CCDC88A: variants seen among roughly 807,000 people sequenced by gnomAD.
The protein encoded by CCDC88A is coiled-coil and HOOK domain protein 88A.
CCDC88A carries 54 observed loss-of-function variants against 234.3 expected under a neutral mutation model. The observed-to-expected ratio is 0.23, with a 90% confidence interval of 0.19 to 0.29. The LOEUF (loss-of-function observed/expected upper bound fraction) is 0.29, where lower values mean the gene tolerates loss of function less well. CCDC88A is among the 10% of genes least tolerant of loss of function. The pLI, the probability that CCDC88A is intolerant of heterozygous loss-of-function variation, is 1.00. For missense variants in CCDC88A, 1,832 were observed against 2,123.4 expected, an observed-to-expected ratio of 0.86 and a Z score of 2.70; for synonymous variants, 753 against 737.8, an observed-to-expected ratio of 1.02 and a Z score of -0.33.
chr2:55,377,796 C>A (rs908803022), intron 3 of CCDC88A, among the ~76,000 whole-genome samples: 5 of 146,512 alleles, frequency 3.4e-5, no homozygotes, highest in Non-Finnish European at 7.5e-5. Flanking sequence ...TTTTAGTAGA[C>A]AGGGTTTCAC....
At chr2:55,358,863 C>G (rs1407738763) in intron 7 of CCDC88A, among the ~76,000 whole-genome samples, 1 of 152,138 alleles carries the variant, frequency 6.6e-6, no homozygotes, top group African/African-American at 2.4e-5. Context: ...ATCCCTCTAT[C>G]AGCATGCTCA....
chr2:55,293,757 G>A (rs1320922280), intron 31 of CCDC88A: 2 of 152,050 alleles, frequency 1.3e-5, no homozygotes, highest in African/African-American at 2.4e-5. Context: ...ATGCCAATGT[G>A]TATTTCTCTG....
chr2:55,387,532 A>T (rs1286050790), intron 3 of CCDC88A, among the ~76,000 whole-genome samples: 1 of 152,096 alleles, frequency 6.6e-6, no homozygotes, highest in African/African-American at 2.4e-5. Context: ...CTGTAATCCC[A>T]GCACTTTGGG....
chr2:55,380,727 T>C (rs1049411791), intron 3 of CCDC88A, among the ~76,000 whole-genome samples: 32 of 152,200 alleles, frequency 2.1e-4, no homozygotes, highest in Non-Finnish European at 3.8e-4. Flanking sequence ...GTGATTCTCC[T>C]GCCTCACCCT....
chr2:55,366,294 G>A (rs1161949873), intron 5 of CCDC88A, among the ~76,000 whole-genome samples: 2 of 152,164 alleles, frequency 1.3e-5, no homozygotes, highest in African/African-American at 2.4e-5. Flanking sequence ...GGGAGGCTGA[G>A]GCAGCTGGAT....
At chr2:55,415,354 A>G (rs551529938) in intron 2 of CCDC88A, among the ~76,000 whole-genome samples, 1 of 152,274 alleles carries the variant, frequency 6.6e-6, no homozygotes, top group South Asian at 2.1e-4. Flanking sequence ...GTGGCCAGAG[A>G]CCAAATTTGC....
In CCDC88A at chr2:55,317,904, A is replaced by C; in HGVS notation, c.3325-63T>G. The C allele has an allele frequency of 8.6e-7, 1 of 1,165,694 alleles. No homozygotes were observed. The highest frequency in any genetic ancestry group is 1.2e-6 in the Non-Finnish European group (1 of 824,564). The allele number at this position is 1,165,694 out of a possible 1,614,324, so 72.2% of individuals were successfully genotyped here. ...CAGTTCATGTTCTTTTTCAAAATAC[A>C]AGATTACAATGTTAATTAAAGAAAG... On this transcript the variant is annotated intron_variant, in intron 19 of 32. Transcript: ENST00000436346. This position sits in a 1 kb window ranked among gnomAD's most constrained non-coding sequence, Gnocchi z 4.2.
intron 2 of CCDC88A, among the ~76,000 whole-genome samples, chr2:55,392,831 A>C (rs1676864849): frequency 6.6e-6 from 1 of 152,196 alleles, no homozygotes; most frequent in Admixed American, 6.5e-5. Flanking sequence ...CATTAAGTGT[A>C]GGTCTCCTTT....
chr2:55,329,140 C>G (rs1378694116), intron 16 of CCDC88A: 1 of 152,102 alleles, frequency 6.6e-6, no homozygotes, highest in Non-Finnish European at 1.5e-5. Flanking sequence ...GCACAGGATA[C>G]TCGTGACAGA....
At chr2:55,339,008 G>A (rs1391922527) in intron 13 of CCDC88A, 1 of 151,248 alleles carries the variant, frequency 6.6e-6, no homozygotes, top group Non-Finnish European at 1.5e-5. Context: ...CCAGACTGGA[G>A]TGCAGTGGCG....
At chr2:55,359,313 A>G (rs1670984919) in intron 7 of CCDC88A, among the ~76,000 whole-genome samples, 1 of 152,110 alleles carries the variant, frequency 6.6e-6, no homozygotes, top group Non-Finnish European at 1.5e-5. Flanking sequence ...TGAAATGGAG[A>G]TATCTATCAA....
At chr2:55,320,390 G>A (rs1275922493) in intron 18 of CCDC88A, among the ~76,000 whole-genome samples, 1 of 151,908 alleles carries the variant, frequency 6.6e-6, no homozygotes, top group Non-Finnish European at 1.5e-5. Flanking sequence ...AATTTACAAG[G>A]GCAAAGAAAT....
At chr2:55,365,796 A>G (rs1253084653) in intron 5 of CCDC88A, among the ~76,000 whole-genome samples, 1 of 152,228 alleles carries the variant, frequency 6.6e-6, no homozygotes, top group East Asian at 1.9e-4. Flanking sequence ...GTCAAGATGG[A>G]AAAAAGAATA....
In CCDC88A at chr2:55,317,651, G is replaced by A; in HGVS notation, c.3515C>T (p.Ser1172Leu). ...TTTAGAGATAAGAGATTCATACTCT[G>A]AAGCCTGACGTTCATGAAGAAGTTC... The part of the protein sequence containing the change: ...KLELLHERQA[S>L]EYESLISKHG... Residue 1172 changes from serine to leucine, a missense_variant, in exon 20 of 33, where the codon TCA (serine) becomes TTA (leucine). Around this residue, in one of 6 missense-constraint regions of CCDC88A, gnomAD observed 1,282 missense variants for 1,543.6 expected, o/e 0.83. Transcript: ENST00000436346. The surrounding 1 kb of genome is among the most constrained non-coding windows in gnomAD (Gnocchi z 4.2). 6.2e-7 allele frequency: 1 copy of A among 1,613,096 alleles called. No homozygotes were observed. The highest frequency in any genetic ancestry group is 1.1e-5 in the South Asian group (1 of 91,010).
rs577446428 is a variant in CCDC88A at position 55,374,160 on chromosome 2, G to T, written c.343+654C>A. Among the ~76,000 whole-genome samples, 28 of 152,298 alleles carry T rather than the reference G, an allele frequency of 1.8e-4. No homozygotes were observed. In the South Asian group the frequency reaches 5.0e-3, roughly 27 times the overall value. On this transcript the variant is annotated intron_variant, in intron 4 of 32. Coordinates refer to ENST00000436346, the MANE Select transcript of CCDC88A (RefSeq NM_001365480.1). ...AGGCCGAGGCGGGCAGATCACCTGA[G>T]GTCAGGAGTTCGAGACTGGCCTGGC... is the stretch of plus-strand genomic sequence containing the variant.
chr2:55,324,783 C>G (rs907143290), intron 17 of CCDC88A, among the ~76,000 whole-genome samples: 2 of 151,998 alleles, frequency 1.3e-5, no homozygotes, highest in East Asian at 1.9e-4. Context: ...GTAGCTGGGA[C>G]TACAGGTGTG....
Position 55,419,461 on chromosome 2 carries a change from A to G in CCDC88A, c.-382T>C. On this transcript the variant is annotated 5_prime_UTR_variant, in exon 1 of 33. Transcript: ENST00000436346. Reference sequence around the variant, plus strand: ...CAGCGAAACTGCTCCCAATGAATCAATCCCAACGGGGGCTAAATGAAATAC... The same window carrying G: ...CAGCGAAACTGCTCCCAATGAATCAGTCCCAACGGGGGCTAAATGAAATAC... The G allele has an allele frequency of 4.8e-6, 1 of 209,592 alleles. No homozygotes were observed. The highest frequency in any genetic ancestry group is 9.7e-6 in the Non-Finnish European group (1 of 102,772). 13.0% of individuals were successfully genotyped at this position (209,592 alleles called of 1,614,324 possible).
At chr2:55,415,803 G>C (rs1681271735) in intron 2 of CCDC88A, among the ~76,000 whole-genome samples, 1 of 152,172 alleles carries the variant, frequency 6.6e-6, no homozygotes, top group Non-Finnish European at 1.5e-5. Context: ...GGAGTATTCA[G>C]AGGGGTTTTG....
chr2:55,387,258 G>GA (rs1248011125), intron 3 of CCDC88A, among the ~76,000 whole-genome samples: 3 of 143,812 alleles, frequency 2.1e-5, no homozygotes, highest in Non-Finnish European at 4.6e-5. Flanking sequence ...GTAGGGTAAA[G>GA]AAAAAAACCC....
Sources: gnomAD v4.1 joint callset for allele counts (sites outside exome capture counted in the v4.1 genomes callset) on GRCh38, gnomAD v4.1.1 for gene constraint, gnomAD v4.1.1 regional missense constraint, Gnocchi (gnomAD v3.1) non-coding constraint, MANE v1.5 for transcripts, NCBI Gene and HGNC (gene_info 2026-07-23, HGNC 2026-07-21) for gene names.